Variants in ABCG1 observed in about 807,000 individuals in gnomAD.
ABCG1 encodes the protein ATP binding cassette subfamily G member 1.
A neutral mutation model predicts 69.2 loss-of-function variants in ABCG1; 29 were observed. The observed-to-expected ratio is 0.42, with a 90% confidence interval of 0.31 to 0.57. The LOEUF (loss-of-function observed/expected upper bound fraction) is 0.57, where lower values mean the gene tolerates loss of function less well. ABCG1 is among the 20% of genes least tolerant of loss of function. The pLI is 0.15. For missense variants in ABCG1, 718 were observed against 898.1 expected (o/e 0.80, Z 2.56); for synonymous variants, 370 against 374.8 (o/e 0.99, Z 0.15).
At chr21:42,204,939 A>G (rs938886293) in intron 2 of ABCG1, among the ~76,000 whole-genome samples, 14 of 151,976 alleles carry the variant, frequency 9.2e-5, no homozygotes, top group African/African-American at 3.4e-4. Flanking sequence ...GCCTAGAATT[A>G]GTGTTAATTT....
chr21:42,293,362 CACACACCACACTACACACT>C (rs2069126025), intron 13 of ABCG1, among the ~76,000 whole-genome samples: 1 of 147,452 alleles, frequency 6.8e-6, no homozygotes, highest in African/African-American at 2.5e-5. Flanking sequence ...ACACACTACA[CACACACCACACTACACACT>C]ACACACCACA....
intron 2 of ABCG1, among the ~76,000 whole-genome samples, chr21:42,267,673 C>G (rs2068535542): frequency 6.7e-6 from 1 of 149,536 alleles, no homozygotes; most frequent in African/African-American, 2.5e-5. Context: ...TGAGTTCTGT[C>G]TGGGTCTGGT....
intron 13 of ABCG1, among the ~76,000 whole-genome samples, 166 bp from the exon 14 acceptor site, chr21:42,294,376 C>A (rs2069161817): frequency 1.3e-5 from 2 of 152,198 alleles, no homozygotes; most frequent in Admixed American, 1.3e-4. Context: ...AGATGGTGAC[C>A]CCACACCTCG....
chr21:42,247,458 A>G (rs2068150469), intron 2 of ABCG1, among the ~76,000 whole-genome samples: 1 of 152,238 alleles, frequency 6.6e-6, no homozygotes, highest in South Asian at 2.1e-4. Context: ...CACCCGGTGG[A>G]GAACTGAGCA....
At chr21:42,245,441 C>A (rs1253752675) in intron 2 of ABCG1, among the ~76,000 whole-genome samples, 1 of 152,216 alleles carries the variant, frequency 6.6e-6, no homozygotes, top group Non-Finnish European at 1.5e-5. Flanking sequence ...GCATCTTAAG[C>A]CCGGCTTAAC....
At chr21:42,265,277 T>A (rs1001001571) in intron 2 of ABCG1, among the ~76,000 whole-genome samples, 1 of 152,198 alleles carries the variant, frequency 6.6e-6, no homozygotes, top group Admixed American at 6.5e-5. Context: ...TGCTCTGCTG[T>A]GGGTTGAGTT....
chr21:42,216,150 T>G (rs997651405), upstream of ABCG1: 1 of 452,008 alleles, frequency 2.2e-6, no homozygotes, highest in African/African-American at 2.0e-5. Flanking sequence ...CCTTTCACCT[T>G]CCGCCATGAT....
chr21:42,289,588 T>A (rs1459731079), intron 10 of ABCG1, among the ~76,000 whole-genome samples: 1 of 152,168 alleles, frequency 6.6e-6, no homozygotes, highest in African/African-American at 2.4e-5. Context: ...TCTGGCCACC[T>A]ACTTAGGAGC....
rs2068996603 is a variant in ABCG1 at position 42,288,691 on chromosome 21, G to C, written c.1224+379G>C. On this transcript the variant is annotated intron_variant, in intron 10 of 14. Transcript: ENST00000398449. The surrounding 1 kb of genome is among the most constrained non-coding windows in gnomAD (Gnocchi z 4.8). ...CCACTGCACTCCAGCCTGGGTGACA[G>C]AGAGAGACTCCCATCTGAAAAAGAA... is the stretch of plus-strand genomic sequence containing the variant. 6.6e-6 allele frequency among the ~76,000 whole-genome samples: 1 copy of C among 151,642 alleles called. No individual in the cohort carries two copies. The highest frequency in any genetic ancestry group is 1.5e-5 in the Non-Finnish European group (1 of 67,962).
Position 42,296,108 on chromosome 21 carries a change from C to T in ABCG1, c.1773-56C>T. ...AGGGTGAACGACATTGACCTTCAGC[C>T]AACGGCGTGGCTGGCTGGGAGAACG... On this transcript the variant is annotated intron_variant, in intron 14 of 14. Coordinates refer to ENST00000398449, the MANE Select transcript of ABCG1 (RefSeq NM_016818.3). This position sits in a 1 kb window ranked among gnomAD's most constrained non-coding sequence, Gnocchi z 5.4. 6.7e-7 allele frequency: 1 copy of T among 1,502,850 alleles called. No individual in the cohort carries two copies. 93.1% of individuals were successfully genotyped at this position (1,502,850 alleles called of 1,614,324 possible). A position where few individuals can be genotyped will look rare whatever the true frequency, so the allele number is the denominator to read the frequency against.
At chr21:42,281,409 G>C (rs1405396027) in intron 5 of ABCG1, among the ~76,000 whole-genome samples, 1 of 152,232 alleles carries the variant, frequency 6.6e-6, no homozygotes, top group Non-Finnish European at 1.5e-5. Flanking sequence ...GCTGAAAGCA[G>C]CACCAAGCCA....
At position 42,295,690 on chromosome 21, in the gene ABCG1, C is replaced by T. The variant is rs369358564; in HGVS notation, c.1773-474C>T. On this transcript the variant is annotated intron_variant, in intron 14 of 14. Transcript: ENST00000398449. The stretch of plus-strand genomic sequence containing the variant: ...TCGACAATCTGCGTGTGCTCCAACA[C>T]TATGAAATCAGAAACCGACGTCTTT... Among the ~76,000 whole-genome samples, 7 of 152,244 alleles carry T rather than the reference C, an allele frequency of 4.6e-5. No individual in the cohort carries two copies. In the East Asian group the frequency reaches 7.7e-4, roughly 17 times the overall value.
intron 13 of ABCG1, among the ~76,000 whole-genome samples, chr21:42,293,534 A>G (rs996562827): frequency 7.0e-6 from 1 of 143,354 alleles, no homozygotes; most frequent in Non-Finnish European, 1.5e-5. Context: ...CATACTACAC[A>G]CCACGCACTA....
chr21:42,219,682 G>C lies in ABCG1; in HGVS notation c.42+378G>C, dbSNP rs1393807137. 5 of 751,376 alleles carry C rather than the reference G, an allele frequency of 6.7e-6. No homozygotes were observed. The highest frequency in any genetic ancestry group is 3.6e-5 in the African/African-American group (2 of 55,438). The allele number at this position is 751,376 out of a possible 1,614,324, so 46.5% of individuals were successfully genotyped here. ...TGGGGAGGGGCCGCAGCTTGGGCCG[G>C]AGGGAAGAGGGGACTTGAAGAAGGG... is the stretch of plus-strand genomic sequence containing the variant. On this transcript the variant is annotated intron_variant, in intron 1 of 14. Coordinates refer to ENST00000398449, the MANE Select transcript of ABCG1 (RefSeq NM_016818.3). The surrounding 1 kb of genome is among the most constrained non-coding windows in gnomAD (Gnocchi z 5.3).
In ABCG1 at chr21:42,225,821, C is replaced by T. The variant is rs200360236; in HGVS notation, c.193C>T (p.Arg65Cys). 2.5e-6 allele frequency: 4 copies of T among 1,613,914 alleles called. No individual in the cohort carries two copies. Among genetic ancestry groups the T allele is most frequent in the South Asian group, 1.1e-5 (1 of 91,068 alleles). ...KVDNNLTEAQ[R>C]FSSLPRRAAV... ...AGATAATAACCTCACGGAAGCCCAG[C>T]GCTTCTCCTCCTTGCCTCGGAGGGC... The change falls in exon 2 of 15, where the codon CGC (arginine) becomes TGC (cysteine). Residue 65 changes from arginine (R) to cysteine (C), a missense_variant. Arg to Cys is a radical substitution (Grantham distance 180, BLOSUM62 -3). Around this residue, in one of 2 missense-constraint regions of ABCG1, gnomAD observed 514 missense variants for 574.3 expected, o/e 0.90. Coordinates refer to ENST00000398449, the MANE Select transcript of ABCG1 (RefSeq NM_016818.3).
chr21:42,259,624 A>T (rs2068371095), intron 2 of ABCG1: 3 of 1,438,816 alleles, frequency 2.1e-6, no homozygotes, highest in Admixed American at 2.9e-5. Flanking sequence ...ACTGTCACTC[A>T]TTTGATAAAA....
At chr21:42,238,744 C>T (rs113651143) in intron 2 of ABCG1, among the ~76,000 whole-genome samples, 392 of 152,258 alleles carry the variant, frequency 2.6e-3, no homozygotes, top group African/African-American at 8.2e-3. Context: ...GTTATCAGCT[C>T]CTGCGTGTTT....
chr21:42,285,351 C>A (rs958628091), intron 7 of ABCG1, among the ~76,000 whole-genome samples: 54 of 151,590 alleles, frequency 3.6e-4, no homozygotes, highest in Non-Finnish European at 1.0e-4. Flanking sequence ...AAAAAAAATA[C>A]AAAAATTATC....
At chr21:42,294,754 G>A (rs1353308654) in intron 14 of ABCG1, 94 bp downstream of exon 14, 12 of 1,150,724 alleles carry the variant, frequency 1.0e-5, no homozygotes, top group Non-Finnish European at 1.4e-5. Context: ...AGCCACTCTG[G>A]GCTGCTGGCC....
Sources: allele counts gnomAD v4.1 joint callset (sites outside exome capture counted in the v4.1 genomes callset), GRCh38; gene constraint gnomAD v4.1.1; regional missense constraint gnomAD v4.1.1; non-coding constraint Gnocchi (gnomAD v3.1); transcripts MANE v1.5; gene names NCBI Gene and HGNC (gene_info 2026-07-23, HGNC 2026-07-21).